The following IGF2BP1 variants were observed in gnomAD, a reference collection of about 807,000 sequenced individuals.
IGF2BP1 encodes the protein insulin like growth factor 2 mRNA binding protein 1.
In IGF2BP1, 11 loss-of-function variants were observed where a neutral mutation model predicts 74.9. That is an observed-to-expected ratio of 0.15 (90% CI 0.09 to 0.24). The LOEUF (loss-of-function observed/expected upper bound fraction) is 0.24. IGF2BP1 is among the 10% of genes least tolerant of loss of function. IGF2BP1 has a pLI of 1.00. For missense variants in IGF2BP1, 440 were observed against 757.4 expected (o/e 0.58, Z 4.92); for synonymous variants, 287 against 281.8 (o/e 1.02, Z -0.18).
rs1567828494 is a variant in IGF2BP1, at chr17:49,045,879, CCTCTT to C, written c.1396-7_1396-3del. ...ATGAACCACTGATTAACAATTACCT[CCTCTT>C]CTCAGGCTCAGGGAAGAATCTATGG... On this transcript the variant is annotated splice_polypyrimidine_tract_variant and splice_region_variant and intron_variant, in intron 12 of 14. Transcript: ENST00000290341. 1 of 1,612,740 alleles carries C rather than the reference CCTCTT, an allele frequency of 6.2e-7. No individual in the cohort carries two copies. Among genetic ancestry groups the C allele is most frequent in the South Asian group, 1.1e-5 (1 of 90,884 alleles).
At chr17:48,998,680 G>A (rs931748371) in intron 1 of IGF2BP1, among the ~76,000 whole-genome samples, 15 of 151,394 alleles carry the variant, frequency 9.9e-5, no homozygotes, top group African/African-American at 3.6e-4. Context: ...CCCAAAGCCC[G>A]TCTTCCTGGC....
intron 2 of IGF2BP1, among the ~76,000 whole-genome samples, chr17:49,002,037 T>C (rs2041493116): frequency 6.6e-6 from 1 of 152,050 alleles, no homozygotes; most frequent in South Asian, 2.1e-4. Flanking sequence ...AAGAAAAAAA[T>C]GAAAGAGATG....
Position 49,003,821 on chromosome 17 carries a change from G to T in IGF2BP1, c.236+4652G>T, listed in dbSNP as rs569882995. Among the ~76,000 whole-genome samples the T allele has an allele frequency of 1.6e-3, 235 of 150,950 alleles. 2 individuals carry two copies. The South Asian group carries it at 0.019, about 12-fold the overall frequency. Reference sequence around the variant, plus strand: ...AGGGAGGGAGGGGAGATACGGGGTTGGGTGGATTTCCCGCTTCCCTTTTAA... The same window carrying T: ...AGGGAGGGAGGGGAGATACGGGGTTTGGTGGATTTCCCGCTTCCCTTTTAA... On this transcript the variant is annotated intron_variant, in intron 2 of 14. Transcript: ENST00000290341.
rs377493528 is a variant in IGF2BP1, at chr17:48,999,425, GAA to G, written c.236+259_236+260del. On this transcript the variant is annotated intron_variant, in intron 2 of 14. Coordinates refer to ENST00000290341, the MANE Select transcript of IGF2BP1 (RefSeq NM_006546.4). ...GTTACTTGCAGAATTAAAGGGGAAAGAAAATCAATAGGGGAGAAACCTTGTGG... is the reference window on the plus strand; with the variant it reads ...GTTACTTGCAGAATTAAAGGGGAAAGAATCAATAGGGGAGAAACCTTGTGG... Among the ~76,000 whole-genome samples, 66 of 152,188 alleles carry G rather than the reference GAA, an allele frequency of 4.3e-4. 1 individual carries two copies. In the East Asian group the frequency reaches 0.012, roughly 27 times the overall value.
chr17:49,034,760 A>AC (rs2041967288), intron 5 of IGF2BP1, among the ~76,000 whole-genome samples: 1 of 139,984 alleles, frequency 7.1e-6, no homozygotes, highest in African/African-American at 2.9e-5. Context: ...AAAAAACAAA[A>AC]AAAACAAAAA....
chr17:49,048,073 G>C (rs2144156259), intron 14 of IGF2BP1, among the ~76,000 whole-genome samples: 1 of 152,074 alleles, frequency 6.6e-6, no homozygotes, highest in Middle Eastern at 3.4e-3. Flanking sequence ...AGACATTCTG[G>C]TCTTCATTCT....
chr17:49,020,970 TAAAAAA>T (rs33965742), intron 2 of IGF2BP1, among the ~76,000 whole-genome samples: 6 of 132,540 alleles, frequency 4.5e-5, no homozygotes, highest in Admixed American at 3.0e-4. Flanking sequence ...CTCTACAAAT[TAAAAAA>T]AAAAAAAAAA....
At position 49,050,139 on chromosome 17, in the gene IGF2BP1, T is replaced by G. The variant is rs574637931; in HGVS notation, c.*695T>G. ...TCCACGTTTAAAAGGAGCGCACTTG[T>G]GGCTGATCTATGCCAGATCACCATC... On this transcript the variant is annotated 3_prime_UTR_variant, in exon 15 of 15. Transcript: ENST00000290341. The G allele has an allele frequency of 6.5e-5, 10 of 152,756 alleles. No homozygotes were observed. Among genetic ancestry groups the G allele is most frequent in the Admixed American group, 6.5e-5 (1 of 15,296 alleles). 9.5% of individuals were successfully genotyped at this position (152,756 alleles called of 1,614,324 possible).
chr17:49,040,368 A>G (rs541657273), intron 7 of IGF2BP1, among the ~76,000 whole-genome samples: 1 of 152,278 alleles, frequency 6.6e-6, no homozygotes, highest in Admixed American at 6.5e-5. Context: ...TGCATGCACC[A>G]CCACGCCTGC....
intron 14 of IGF2BP1, among the ~76,000 whole-genome samples, chr17:49,048,548 C>T (rs1335989359): frequency 1.3e-5 from 2 of 152,144 alleles, no homozygotes; most frequent in South Asian, 2.1e-4. Flanking sequence ...CCACCGTGCA[C>T]CTGGCCATAT....
chr17:49,049,300 G>A (rs988460213), intron 14 of IGF2BP1, 52 bp from the exon 15 acceptor site: 14 of 1,508,572 alleles, frequency 9.3e-6, no homozygotes, highest in Non-Finnish European at 1.3e-5. Flanking sequence ...TTCCGTGGAA[G>A]GCTGTCTCCT....
chr17:49,014,653 C>A, intron 2 of IGF2BP1: 1 of 448,206 alleles, frequency 2.2e-6, no homozygotes, highest in Non-Finnish European at 2.9e-6. Flanking sequence ...TGTTTCCCAC[C>A]GCAGGTCATG....
At chr17:49,044,235 T>G (rs2042085223) in intron 11 of IGF2BP1, 149 bp downstream of exon 11, 5 of 1,210,944 alleles carry the variant, frequency 4.1e-6, no homozygotes, top group African/African-American at 3.0e-5. Context: ...AAGTCCTCTT[T>G]GTTTTTGATC....
chr17:49,040,134 C>G (rs1022140734), intron 7 of IGF2BP1, 43 bp downstream of exon 7: 1 of 1,605,622 alleles, frequency 6.2e-7, no homozygotes, highest in Non-Finnish European at 8.5e-7. Flanking sequence ...TCTGCTAGTC[C>G]AGTTGAGCCT....
At chr17:49,013,439 G>C (rs2041646868) in intron 2 of IGF2BP1, 1 of 152,372 alleles carries the variant, frequency 6.6e-6, no homozygotes, top group African/African-American at 2.4e-5. Flanking sequence ...GCCTCCTCCC[G>C]CGGCCCAGCC....
At chr17:49,003,258 T>A (rs2041506772) in intron 2 of IGF2BP1, among the ~76,000 whole-genome samples, 1 of 152,234 alleles carries the variant, frequency 6.6e-6, no homozygotes, top group South Asian at 2.1e-4. Flanking sequence ...TGTATCATTT[T>A]AATCTATGTG....
intron 2 of IGF2BP1, among the ~76,000 whole-genome samples, chr17:49,007,620 G>A (rs1173748244): frequency 6.6e-6 from 1 of 152,200 alleles, no homozygotes; most frequent in African/African-American, 2.4e-5. Flanking sequence ...GCAGAATGAT[G>A]TATTGCCTCT....
At chr17:49,014,228 G>GCCTCAGTCTCCC (rs1219000940) in intron 2 of IGF2BP1, among the ~76,000 whole-genome samples, 1 of 84,810 alleles carries the variant, frequency 1.2e-5, no homozygotes, top group African/African-American at 4.9e-5. Context: ...CTCAGTCTCC[G>GCCTCAGTCTCCC]CCTCAGTCTC....
intron 2 of IGF2BP1, among the ~76,000 whole-genome samples, chr17:49,012,201 G>T (rs567526720): frequency 2.0e-5 from 3 of 152,074 alleles, no homozygotes; most frequent in Non-Finnish European, 4.4e-5. Context: ...CACCGTGCCC[G>T]GCCAGTTGAA....
Sources: gnomAD v4.1 joint callset for allele counts (sites outside exome capture counted in the v4.1 genomes callset) on GRCh38, gnomAD v4.1.1 for gene constraint, MANE v1.5 for transcripts, NCBI Gene and HGNC (gene_info 2026-07-23, HGNC 2026-07-21) for gene names.